ZFR: variants seen among roughly 807,000 people sequenced by gnomAD.
The protein encoded by ZFR is zinc finger RNA binding protein, also known as zinc finger RNA-binding protein.
In ZFR, 19 loss-of-function variants were observed where a neutral mutation model predicts 130.7. The observed-to-expected ratio is 0.15, with a 90% confidence interval of 0.10 to 0.21. ZFR has a LOEUF of 0.21. Among genes scored for constraint, ZFR ranks in the 10% least tolerant of loss-of-function variants. ZFR has a pLI of 1.00. For missense variants in ZFR, 872 were observed against 1,321.5 expected, an observed-to-expected ratio of 0.66 and a Z score of 5.27; for synonymous variants, 466 against 456.9, an observed-to-expected ratio of 1.02 and a Z score of -0.25.
chr5:32,356,589 T>G, intron 19 of ZFR, among the ~76,000 whole-genome samples: 1 of 152,034 alleles, frequency 6.6e-6, no homozygotes, highest in African/African-American at 2.4e-5. Flanking sequence ...ATTTTTTTTT[T>G]TTTGTATTTT....
intron 2 of ZFR, 87 bp from the exon 3 acceptor site, chr5:32,420,190 T>C (rs939941908): frequency 3.8e-6 from 5 of 1,331,026 alleles, no homozygotes; most frequent in Non-Finnish European, 4.9e-6. Context: ...TCAACTGAAA[T>C]AAAAAGCACA....
chr5:32,364,509 G>A, intron 17 of ZFR: 1 of 221,224 alleles, frequency 4.5e-6, no homozygotes, highest in Non-Finnish European at 8.9e-6. Context: ...GATTGCCTGA[G>A]TTCAGGGGTT....
At chr5:32,384,473 TA>T (rs1310330045) in intron 15 of ZFR, among the ~76,000 whole-genome samples, 1 of 152,188 alleles carries the variant, frequency 6.6e-6, no homozygotes, top group African/African-American at 2.4e-5. Flanking sequence ...CCCAGTGTCT[TA>T]AAAAATTGCT....
At chr5:32,364,333 A>G (rs1053530496) in intron 17 of ZFR, 58 bp from the exon 18 acceptor site, 1 of 1,413,050 alleles carries the variant, frequency 7.1e-7, no homozygotes, top group African/African-American at 1.4e-5. Flanking sequence ...ACTCATTTTC[A>G]AACTAAAATT....
intron 17 of ZFR, among the ~76,000 whole-genome samples, chr5:32,376,290 T>C (rs149437389): frequency 6.6e-5 from 10 of 152,336 alleles, no homozygotes; most frequent in African/African-American, 2.4e-4. Flanking sequence ...AATTTTGTTA[T>C]GTATTTAAAT....
At chr5:32,371,183 A>C (rs1752663119) in intron 17 of ZFR, among the ~76,000 whole-genome samples, 1 of 152,018 alleles carries the variant, frequency 6.6e-6, no homozygotes, top group African/African-American at 2.4e-5. Context: ...CAGCTGGGGC[A>C]ACATAGTGAG....
chr5:32,379,120 T>C lies in ZFR; in HGVS notation c.2830A>G (p.Ser944Gly), dbSNP rs141931295. The C allele has an allele frequency of 1.2e-5, 20 of 1,612,726 alleles. No individual in the cohort carries two copies. The highest frequency in any genetic ancestry group is 2.2e-5 in the South Asian group (2 of 91,044). ...QRVPTWSDFP[S>G]WAMELLVEKA... is the part of the protein sequence containing the mutation. ...TACAGTTACGTACTACTTACCCAGC[T>C]TGGAAAATCAGACCAAGTTGGAACT... Residue 944 changes from serine (S) to glycine (G), a missense_variant, in exon 17 of 20, where the codon AGC (serine) becomes GGC (glycine). This residue lies in a region of ZFR where 158 missense variants were observed against 264.0 expected (regional missense o/e 0.60). Transcript: ENST00000265069.
At chr5:32,414,675 ATCC>A (rs1753779921) in intron 5 of ZFR, among the ~76,000 whole-genome samples, 1 of 152,198 alleles carries the variant, frequency 6.6e-6, no homozygotes, top group African/African-American at 2.4e-5. Flanking sequence ...AAAGTAAACA[ATCC>A]TGTAGAAAAC....
chr5:32,430,121 A>G (rs1473496863), intron 2 of ZFR, among the ~76,000 whole-genome samples: 2 of 151,216 alleles, frequency 1.3e-5, no homozygotes, highest in Non-Finnish European at 2.9e-5. Context: ...AACCCAAGGG[A>G]AATACACTAA....
At position 32,440,952 on chromosome 5, in the gene ZFR, G is replaced by C. The variant is rs115438594; in HGVS notation, c.137+3277C>G. Among the ~76,000 whole-genome samples the C allele has an allele frequency of 3.5e-3, 534 of 152,186 alleles. 4 individuals carry two copies. The highest frequency in any genetic ancestry group is 0.011 in the African/African-American group (447 of 41,538). ...AAATATCTTACAGAACTGTAATCAA[G>C]AAAACTAAGAGCTGGAATTACTTTT... is the stretch of plus-strand genomic sequence containing the variant. On this transcript the variant is annotated intron_variant, in intron 2 of 19. Transcript: ENST00000265069.
At chr5:32,377,320 C>G (rs537267824) in intron 17 of ZFR, among the ~76,000 whole-genome samples, 1 of 151,154 alleles carries the variant, frequency 6.6e-6, no homozygotes, top group South Asian at 2.1e-4. Context: ...GCAACCTCTG[C>G]CTCCCAGGTT....
At chr5:32,417,621 G>A (rs1306803797) in intron 4 of ZFR, 27 bp downstream of exon 4, 1 of 1,608,788 alleles carries the variant, frequency 6.2e-7, no homozygotes, top group East Asian at 2.2e-5. Context: ...AGTTTACAAA[G>A]AAACTCTGTA....
intron 17 of ZFR, among the ~76,000 whole-genome samples, chr5:32,376,773 G>C (rs1262139216): frequency 1.3e-5 from 2 of 152,062 alleles, no homozygotes; most frequent in Non-Finnish European, 2.9e-5. Flanking sequence ...GATCACCCAA[G>C]GTTAGCAGTT....
chr5:32,402,676 A>G (rs563942752), intron 8 of ZFR, among the ~76,000 whole-genome samples: 1 of 151,356 alleles, frequency 6.6e-6, no homozygotes, highest in East Asian at 1.9e-4. Context: ...TACTCAGGAG[A>G]CTGAGGTGGG....
chr5:32,413,227 A>G (rs183431285), intron 5 of ZFR, among the ~76,000 whole-genome samples: 1 of 147,016 alleles, frequency 6.8e-6, no homozygotes, highest in Admixed American at 6.8e-5. Context: ...AAAAAACAAA[A>G]CAAAACAAAA....
chr5:32,398,352 C>T (rs1285614527), intron 9 of ZFR, among the ~76,000 whole-genome samples: 2 of 152,056 alleles, frequency 1.3e-5, no homozygotes, highest in Non-Finnish European at 2.9e-5. Context: ...TAATATGTAA[C>T]TTTATGGAAA....
rs1423658954 is a variant in ZFR at position 32,385,556 on chromosome 5, T to C, written c.2593A>G (p.Ile865Val). The C allele has an allele frequency of 7.4e-6, 12 of 1,613,420 alleles. No individual in the cohort carries two copies. The African/African-American group carries it at 9.3e-5, about 13-fold the overall frequency. Residue 865 changes from isoleucine (I) to valine (V), a missense_variant, in exon 15 of 20, where the codon ATC becomes GTC. By Grantham distance (29) the Ile-to-Val change is conservative. This residue lies in a region of ZFR where 225 missense variants were observed against 282.4 expected (regional missense o/e 0.80). Transcript: ENST00000265069. ...CGAATAATTGGAGATGTCAGTGTGA[T>C]AGTGACTTGCATTTTGGGTTCCACA... Reference protein sequence around the residue: ...SCVEPKMQVTITLTSPIIREE... With the variant: ...SCVEPKMQVTVTLTSPIIREE...
chr5:32,436,322 TTTTTA>T (rs1398760663), intron 2 of ZFR, among the ~76,000 whole-genome samples: 2 of 151,742 alleles, frequency 1.3e-5, no homozygotes, highest in African/African-American at 2.4e-5. Context: ...CTGATTTTTT[TTTTTA>T]TTTTTAGTAG....
intron 15 of ZFR, 176 bp from the exon 16 acceptor site, chr5:32,380,348 A>T: frequency 2.1e-6 from 1 of 473,552 alleles, no homozygotes; most frequent in Non-Finnish European, 3.8e-6. Flanking sequence ...GAGGAACAAA[A>T]GGTTAACTTA....
Sources: gnomAD v4.1 joint callset for allele counts (sites outside exome capture counted in the v4.1 genomes callset) on GRCh38, gnomAD v4.1.1 for gene constraint, gnomAD v4.1.1 regional missense constraint, MANE v1.5 for transcripts, NCBI Gene and HGNC (gene_info 2026-07-23, HGNC 2026-07-21) for gene names.